Variants in ZMYM2 observed in about 807,000 individuals in gnomAD.
ZMYM2 encodes zinc finger MYM-type containing 2, also known as zinc finger MYM-type protein 2.
ZMYM2 carries 56 observed loss-of-function variants against 162.8 expected under a neutral mutation model. That is an observed-to-expected ratio of 0.34 (90% CI 0.28 to 0.43). The LOEUF (loss-of-function observed/expected upper bound fraction) is 0.43, where lower values mean the gene tolerates loss of function less well. Among genes scored for constraint, ZMYM2 ranks in the 20% least tolerant of loss-of-function variants. The pLI, the probability that ZMYM2 is intolerant of heterozygous loss-of-function variation, is 1.00. For missense variants in ZMYM2, 1,275 were observed against 1,621.8 expected, an observed-to-expected ratio of 0.79 and a Z score of 3.67; for synonymous variants, 510 against 541.6, an observed-to-expected ratio of 0.94 and a Z score of 0.81.
chr13:19,971,258 ATATATTTT>A lies in ZMYM2; in HGVS notation c.-11+11234_-11+11241del, dbSNP rs1407938920. Among the ~76,000 whole-genome samples, 795 of 104,032 alleles carry A rather than the reference ATATATTTT, an allele frequency of 7.6e-3. 4 individuals carry two copies. The highest frequency in any genetic ancestry group is 0.024 in the South Asian group (75 of 3,118). The allele number at this position is 104,032 out of a possible 152,430, so 68.2% of individuals were successfully genotyped here. A position where few individuals can be genotyped will look rare whatever the true frequency, so the allele number is the denominator to read the frequency against. The stretch of plus-strand genomic sequence containing the variant: ...TGTGTGTGTGTGTATATATATATAT[ATATATTTT>A]TTTTTTTTTTTTTTTTTCCTTGAGA... On this transcript the variant is annotated intron_variant, in intron 2 of 24. Coordinates refer to ENST00000610343, the MANE Select transcript of ZMYM2 (RefSeq NM_197968.4).
intron 12 of ZMYM2, among the ~76,000 whole-genome samples, chr13:20,051,143 A>G (rs1368899378): frequency 6.6e-6 from 1 of 152,070 alleles, no homozygotes; most frequent in Non-Finnish European, 1.5e-5. Flanking sequence ...ATTTAAAAAC[A>G]TTAAAATACA....
chr13:19,934,485 G>A, the ZMYM2 span, among the ~76,000 whole-genome samples: 5 of 152,092 alleles, frequency 3.3e-5, no homozygotes, highest in Admixed American at 6.6e-5. Flanking sequence ...TCTTAAATTC[G>A]TCAATTTGAT....
chr13:19,922,023 C>T, the ZMYM2 span, among the ~76,000 whole-genome samples: 1 of 152,066 alleles, frequency 6.6e-6, no homozygotes, highest in African/African-American at 2.4e-5. Context: ...AAGTGTTTCT[C>T]CTGCCTCAGC....
chr13:20,044,076 C>T (rs770023461), intron 12 of ZMYM2, among the ~76,000 whole-genome samples: 5 of 152,092 alleles, frequency 3.3e-5, no homozygotes, highest in East Asian at 1.9e-4. Context: ...AAGACCTCCC[C>T]GCAGAGTTCA....
Position 19,971,258 on chromosome 13 carries a change from ATATATTT to A in ZMYM2, c.-11+11234_-11+11240del, listed in dbSNP as rs1309842446. The stretch of plus-strand genomic sequence containing the variant: ...TGTGTGTGTGTGTATATATATATAT[ATATATTT>A]TTTTTTTTTTTTTTTTTTCCTTGAG... On this transcript the variant is annotated intron_variant, in intron 2 of 24. Coordinates refer to ENST00000610343, the MANE Select transcript of ZMYM2 (RefSeq NM_197968.4). Among the ~76,000 whole-genome samples the A allele has an allele frequency of 1.5e-3, 152 of 104,178 alleles. 2 individuals carry two copies. The highest frequency in any genetic ancestry group is 5.4e-3 in the South Asian group (17 of 3,128). 68.3% of individuals were successfully genotyped at this position (104,178 alleles called of 152,430 possible). A position where few individuals can be genotyped will look rare whatever the true frequency, so the allele number is the denominator to read the frequency against.
intron 3 of ZMYM2, among the ~76,000 whole-genome samples, chr13:19,995,890 C>T (rs1046098252): frequency 1.3e-5 from 2 of 152,102 alleles, no homozygotes; most frequent in Admixed American, 6.5e-5. Context: ...ACTTGGGGGG[C>T]TGAGGTGGGA....
the ZMYM2 span, among the ~76,000 whole-genome samples, chr13:19,896,230 G>A: frequency 2.6e-5 from 4 of 151,456 alleles, no homozygotes; most frequent in Admixed American, 1.3e-4. Context: ...TGCAAGCTCC[G>A]ACCCCTGGGT....
At chr13:19,971,262 A>ATTTTTT (rs67460005) in intron 2 of ZMYM2, among the ~76,000 whole-genome samples, 4 of 78,330 alleles carry the variant, frequency 5.1e-5, no homozygotes, top group African/African-American at 1.4e-4. Context: ...ATATATATAT[A>ATTTTTT]TTTTTTTTTT....
the ZMYM2 span, among the ~76,000 whole-genome samples, chr13:19,924,920 G>A: frequency 1.0e-4 from 12 of 117,896 alleles, no homozygotes; most frequent in African/African-American, 3.9e-4. Flanking sequence ...TTTTGCTCTT[G>A]TTGCACAGGT....
At chr13:19,908,177 A>G in the ZMYM2 span, among the ~76,000 whole-genome samples, 1 of 151,866 alleles carries the variant, frequency 6.6e-6, no homozygotes, top group Non-Finnish European at 1.5e-5. Context: ...ATTCCCAGCT[A>G]CTCAAGAGGC....
At chr13:19,938,603 G>C in the ZMYM2 span, among the ~76,000 whole-genome samples, 1 of 151,992 alleles carries the variant, frequency 6.6e-6, no homozygotes, top group Non-Finnish European at 1.5e-5. Flanking sequence ...CCATTATTTT[G>C]GATTGAGCTC....
intron 24 of ZMYM2, among the ~76,000 whole-genome samples, chr13:20,084,578 A>G (rs1958128284): frequency 6.6e-6 from 1 of 152,194 alleles, no homozygotes; most frequent in African/African-American, 2.4e-5. Flanking sequence ...GGTAGTATAG[A>G]TAGGTGGAAA....
chr13:19,935,328 G>T, the ZMYM2 span, among the ~76,000 whole-genome samples: 1 of 151,284 alleles, frequency 6.6e-6, no homozygotes, highest in Non-Finnish European at 1.5e-5. Context: ...TAGAGACAGG[G>T]GTCTCACCAT....
At chr13:19,966,636 T>C (rs1400098063) in intron 2 of ZMYM2, among the ~76,000 whole-genome samples, 28 of 151,952 alleles carry the variant, frequency 1.8e-4, no homozygotes, top group Non-Finnish European at 4.4e-5. Flanking sequence ...AGACGGGGTT[T>C]CTCCATGTTG....
intron 2 of ZMYM2, among the ~76,000 whole-genome samples, chr13:19,982,916 A>G (rs1449389155): frequency 6.6e-6 from 1 of 151,752 alleles, no homozygotes; most frequent in African/African-American, 2.4e-5. Context: ...CCTTCCTTGT[A>G]GGTTTGTCGT....
the ZMYM2 span, among the ~76,000 whole-genome samples, chr13:19,945,951 G>GAA: frequency 0.16 from 14,175 of 89,304 alleles, 1,219 homozygotes; most frequent in African/African-American, 0.26. Flanking sequence ...CTCCGTCTCA[G>GAA]AAAAAAAAAA....
intron 12 of ZMYM2, among the ~76,000 whole-genome samples, chr13:20,042,668 T>G (rs1954370055): frequency 6.6e-6 from 1 of 152,196 alleles, no homozygotes; most frequent in East Asian, 1.9e-4. Context: ...TTCATCTTTG[T>G]GGGCTTACAT....
At chr13:19,928,831 G>T in the ZMYM2 span, among the ~76,000 whole-genome samples, 1 of 151,778 alleles carries the variant, frequency 6.6e-6, no homozygotes, top group Non-Finnish European at 1.5e-5. Context: ...TCTTAGTAGA[G>T]ACAGGGTTTC....
the ZMYM2 span, among the ~76,000 whole-genome samples, chr13:19,874,040 G>T: frequency 6.6e-6 from 1 of 152,138 alleles, no homozygotes; most frequent in East Asian, 1.9e-4. Flanking sequence ...TGGAGAGTGG[G>T]TGGAACTAGG....
Sources: allele counts gnomAD v4.1 joint callset (sites outside exome capture counted in the v4.1 genomes callset), GRCh38; gene constraint gnomAD v4.1.1; transcripts MANE v1.5; gene names NCBI Gene and HGNC (gene_info 2026-07-23, HGNC 2026-07-21).